GATAD2A: variants seen among roughly 807,000 people sequenced by gnomAD.
The protein encoded by GATAD2A is transcriptional repressor p66-alpha.
A neutral mutation model predicts 68.5 loss-of-function variants in GATAD2A; 12 were observed. The ratio of observed to expected loss-of-function variants is 0.18; its 90% confidence interval spans 0.11 to 0.28. The LOEUF (loss-of-function observed/expected upper bound fraction) is 0.28. Ranked by LOEUF, GATAD2A falls within the 10% of genes least tolerant of loss-of-function variation. The pLI is 1.00. For synonymous variants in GATAD2A, 410 were observed against 375.3 expected (o/e 1.09, Z -1.07); for missense variants, 755 against 868.5 (o/e 0.87, Z 1.64).
intron 1 of GATAD2A, among the ~76,000 whole-genome samples, chr19:19,411,333 C>A (rs1600044519): frequency 6.6e-6 from 1 of 152,224 alleles, no homozygotes; most frequent in Non-Finnish European, 1.5e-5. Flanking sequence ...CAGGAGGCAG[C>A]CTCTTTCCTG....
chr19:19,430,459 G>A (rs952953650), intron 1 of GATAD2A, among the ~76,000 whole-genome samples: 1 of 152,230 alleles, frequency 6.6e-6, no homozygotes, highest in Non-Finnish European at 1.5e-5. Flanking sequence ...GGGAGAAGGT[G>A]AACGGTGTTG....
At chr19:19,393,621 G>A (rs529045600) in intron 1 of GATAD2A, among the ~76,000 whole-genome samples, 1 of 152,266 alleles carries the variant, frequency 6.6e-6, no homozygotes, top group South Asian at 2.1e-4. Flanking sequence ...AACATTGTGA[G>A]GTTTCTTGAG....
At chr19:19,465,223 C>A in intron 1 of GATAD2A, 117 bp from the exon 2 acceptor site, 2 of 777,678 alleles carry the variant, frequency 2.6e-6, no homozygotes, top group Non-Finnish European at 4.4e-6. Context: ...GTTGTACATT[C>A]TTTTGCCATC....
chr19:19,490,291 A>G (rs1266659144), intron 2 of GATAD2A, among the ~76,000 whole-genome samples: 1 of 152,150 alleles, frequency 6.6e-6, no homozygotes, highest in Non-Finnish European at 1.5e-5. Context: ...TGAGTCCAGC[A>G]TCTGGCGAGT....
At chr19:19,412,151 A>AT (rs1395208322) in intron 1 of GATAD2A, among the ~76,000 whole-genome samples, 6 of 128,334 alleles carry the variant, frequency 4.7e-5, no homozygotes, top group Admixed American at 2.4e-4. Flanking sequence ...TTAATTTTTA[A>AT]TTTTTTTTTT....
chr19:19,425,229 G>A (rs1193829336), intron 1 of GATAD2A, among the ~76,000 whole-genome samples: 1 of 152,194 alleles, frequency 6.6e-6, no homozygotes, highest in Admixed American at 6.5e-5. Context: ...GTGGCAATTT[G>A]TTGGGGACAA....
chr19:19,460,530 G>A (rs1332607840), intron 1 of GATAD2A, among the ~76,000 whole-genome samples: 1 of 152,154 alleles, frequency 6.6e-6, no homozygotes, highest in Non-Finnish European at 1.5e-5. Flanking sequence ...GCCTCCTGAG[G>A]ACAGTGGCTG....
intron 1 of GATAD2A, among the ~76,000 whole-genome samples, chr19:19,422,469 C>G (rs2052540012): frequency 1.3e-5 from 2 of 152,172 alleles, no homozygotes; most frequent in African/African-American, 4.8e-5. Flanking sequence ...TTTCCCCAAG[C>G]CTCGGTGTCC....
intron 1 of GATAD2A, among the ~76,000 whole-genome samples, chr19:19,463,189 C>T (rs899111370): frequency 6.6e-6 from 1 of 152,114 alleles, no homozygotes; most frequent in Admixed American, 6.5e-5. Context: ...TACCTGCTGT[C>T]TAAGGCAGTG....
intron 11 of GATAD2A, among the ~76,000 whole-genome samples, chr19:19,503,837 C>T (rs2060705771): frequency 6.6e-6 from 1 of 152,138 alleles, no homozygotes; most frequent in Non-Finnish European, 1.5e-5. Flanking sequence ...GAGTGCTGCC[C>T]TTGCACACAG....
At chr19:19,410,162 A>C (rs925792484) in intron 1 of GATAD2A, among the ~76,000 whole-genome samples, 1 of 152,150 alleles carries the variant, frequency 6.6e-6, no homozygotes, top group African/African-American at 2.4e-5. Flanking sequence ...TTGTCAGGGA[A>C]CTTGCCTTTC....
chr19:19,492,625 G>A lies in GATAD2A; in HGVS notation c.447G>A (p.Lys149=), dbSNP rs752493430. The change falls in exon 4 of 12, where the codon AAG becomes AAA. Residue 149 remains lysine, a synonymous_variant. Transcript: ENST00000683918. ...EERERMIKQL[K]EELRLEEAKL... ...GAGAAAGGATGATCAAGCAGCTGAAGGAAGAATTGAGGTTAGAAGAAGCAA... is the reference window on the plus strand; with the variant it reads ...GAGAAAGGATGATCAAGCAGCTGAAAGAAGAATTGAGGTTAGAAGAAGCAA... The A allele has an allele frequency of 6.2e-7, 1 of 1,614,186 alleles. No homozygotes were observed. The highest frequency in any genetic ancestry group is 1.7e-5 in the Admixed American group (1 of 60,018).
intron 1 of GATAD2A, among the ~76,000 whole-genome samples, chr19:19,414,911 T>A (rs1414449193): frequency 7.4e-6 from 1 of 134,456 alleles, no homozygotes; most frequent in Non-Finnish European, 1.5e-5. Flanking sequence ...GGGCAGGACA[T>A]GGGGAGGGAG....
At chr19:19,504,640 C>CTT (rs36052091) in intron 11 of GATAD2A, among the ~76,000 whole-genome samples, 278 of 137,158 alleles carry the variant, frequency 2.0e-3, no homozygotes, top group South Asian at 3.3e-3. Flanking sequence ...TTTTTTTTTC[C>CTT]TTTTTTTTTT....
intron 1 of GATAD2A, among the ~76,000 whole-genome samples, chr19:19,446,741 T>C (rs2055766549): frequency 6.6e-6 from 1 of 152,222 alleles, no homozygotes; most frequent in South Asian, 2.1e-4. Context: ...TTTATTTTTT[T>C]GTAGAGACAG....
intron 1 of GATAD2A, among the ~76,000 whole-genome samples, chr19:19,386,843 C>T (rs1316583661): frequency 2.0e-5 from 3 of 152,140 alleles, no homozygotes; most frequent in Middle Eastern, 3.2e-3. Context: ...GGATCCCCAA[C>T]TCTTTGAGAA....
intron 1 of GATAD2A, among the ~76,000 whole-genome samples, chr19:19,434,386 C>T (rs1174717190): frequency 6.6e-6 from 1 of 152,086 alleles, no homozygotes; most frequent in Non-Finnish European, 1.5e-5. Flanking sequence ...AAGGGTTCTT[C>T]CTGAGGAGCT....
chr19:19,443,432 A>G (rs896163788), intron 1 of GATAD2A, among the ~76,000 whole-genome samples: 2 of 152,238 alleles, frequency 1.3e-5, no homozygotes, highest in African/African-American at 4.8e-5. Context: ...GGACCTGTGG[A>G]TTCCAGCCAG....
chr19:19,478,198 T>C (rs531740682), intron 2 of GATAD2A, among the ~76,000 whole-genome samples: 1 of 152,260 alleles, frequency 6.6e-6, no homozygotes. Flanking sequence ...CTGCCAGAGA[T>C]GGGAAATCCT....
Sources: allele counts gnomAD v4.1 joint callset (sites outside exome capture counted in the v4.1 genomes callset), GRCh38; gene constraint gnomAD v4.1.1; transcripts MANE v1.5; gene names NCBI Gene and HGNC (gene_info 2026-07-23, HGNC 2026-07-21).